Variants in IP6K1 observed in about 807,000 individuals in gnomAD.
IP6K1 encodes inositol hexakisphosphate kinase 1.
IP6K1 carries 13 observed loss-of-function variants against 38.3 expected under a neutral mutation model. The ratio of observed to expected loss-of-function variants is 0.34; its 90% CI spans 0.22 to 0.54. IP6K1 has a LOEUF of 0.54. Ranked by LOEUF, IP6K1 falls within the 20% of genes least tolerant of loss-of-function variation. IP6K1 has a pLI of 0.92. For synonymous variants in IP6K1, 212 were observed against 229.9 expected (o/e 0.92, Z 0.70); for missense variants, 397 against 599.8 (o/e 0.66, Z 3.53).
chr3:49,732,995 T>C, intron 3 of IP6K1, 23 bp from the exon 4 acceptor site: 2 of 1,591,786 alleles, frequency 1.3e-6, no homozygotes, highest in Non-Finnish European at 1.7e-6. Context: ...AACATACACA[T>C]CACTAAGAAA....
chr3:49,776,466 G>A (rs904757587), intron 1 of IP6K1, among the ~76,000 whole-genome samples: 20 of 151,512 alleles, frequency 1.3e-4, no homozygotes, highest in South Asian at 4.2e-4. Context: ...GCAGTGAGCC[G>A]AGATAGCACC....
intron 1 of IP6K1, among the ~76,000 whole-genome samples, chr3:49,782,584 T>C (rs972086934): frequency 2.0e-5 from 3 of 151,862 alleles, no homozygotes; most frequent in Non-Finnish European, 1.5e-5. Context: ...GGAGGATCAT[T>C]TGCACCCACG....
intron 1 of IP6K1, among the ~76,000 whole-genome samples, chr3:49,782,468 C>A (rs1575332515): frequency 6.6e-6 from 1 of 152,032 alleles, no homozygotes; most frequent in East Asian, 1.9e-4. Flanking sequence ...CGCGCCCGGC[C>A]TGGAGGGTCT....
At chr3:49,737,466 G>A (rs1010563141) in intron 3 of IP6K1, among the ~76,000 whole-genome samples, 14 of 152,236 alleles carry the variant, frequency 9.2e-5, no homozygotes, top group Non-Finnish European at 1.3e-4. Context: ...CAGGCGAATC[G>A]CCTGAGGTCA....
In IP6K1 at chr3:49,726,364, C is replaced by T. The variant is rs2080501727; in HGVS notation, c.*758G>A. On this transcript the variant is annotated 3_prime_UTR_variant, in exon 6 of 6. Coordinates refer to ENST00000321599, the MANE Select transcript of IP6K1 (RefSeq NM_153273.4). ...CCAGAGCCACCAGAGGCCCTGAGGC[C>T]TGCTAGGACACCGACTATCCCCCAC... 6.5e-6 allele frequency: 1 copy of T among 152,744 alleles called. No homozygotes were observed. Among genetic ancestry groups the T allele is most frequent in the African/African-American group, 2.4e-5 (1 of 41,470 alleles). The allele number at this position is 152,744 out of a possible 1,614,324, so 9.5% of individuals were successfully genotyped here. A position where few individuals can be genotyped will look rare whatever the true frequency, so the allele number is the denominator to read the frequency against.
At position 49,758,946 on chromosome 3, in the gene IP6K1, C is replaced by CAAA. The variant is rs879734288; in HGVS notation, c.-128-10781_-128-10779dup. 5.4e-5 allele frequency among the ~76,000 whole-genome samples: 5 copies of CAAA among 93,336 alleles called. No individual in the cohort carries two copies. The East Asian group carries it at 2.8e-3, about 52-fold the overall frequency. 61.2% of individuals were successfully genotyped at this position (93,336 alleles called of 152,430 possible). Reference sequence around the variant, plus strand: ...TGGATGACAGAGCGAGACTCTGTCTCAAAAAAAAAAAATACCCAACAGTTT... The same window carrying CAAA: ...TGGATGACAGAGCGAGACTCTGTCTCAAAAAAAAAAAAAAATACCCAACAGTTT... On this transcript the variant is annotated intron_variant, in intron 1 of 5. Transcript: ENST00000321599.
chr3:49,773,704 T>C (rs550959695), intron 1 of IP6K1, among the ~76,000 whole-genome samples: 1 of 152,332 alleles, frequency 6.6e-6, no homozygotes, highest in East Asian at 1.9e-4. Context: ...TTCATTATAT[T>C]TTCTATGCTA....
intron 1 of IP6K1, among the ~76,000 whole-genome samples, chr3:49,751,156 T>TTTGTTG (rs58963057): frequency 3.9e-4 from 58 of 149,074 alleles, no homozygotes; most frequent in Middle Eastern, 3.4e-3. Flanking sequence ...TCCTTTTTTT[T>TTTGTTG]TTGTTGTTGT....
At chr3:49,744,216 C>T (rs999748744) in intron 2 of IP6K1, among the ~76,000 whole-genome samples, 3 of 151,490 alleles carry the variant, frequency 2.0e-5, no homozygotes, top group Non-Finnish European at 4.4e-5. Flanking sequence ...TCCTGGCTAA[C>T]ATGGTGAAAC....
intron 1 of IP6K1, 74 bp from the exon 2 acceptor site, chr3:49,748,242 A>G: frequency 1.7e-6 from 1 of 604,558 alleles, no homozygotes; most frequent in Non-Finnish European, 2.9e-6. Flanking sequence ...TCCATGAGTG[A>G]GAGCAGGGAC....
intron 1 of IP6K1, among the ~76,000 whole-genome samples, chr3:49,766,218 C>A (rs892497287): frequency 6.6e-6 from 1 of 151,628 alleles, no homozygotes; most frequent in African/African-American, 2.4e-5. Context: ...CACAAAAATT[C>A]GCTGGGTGTG....
rs933239982 is a variant in IP6K1 at position 49,726,722 on chromosome 3, G to C, written c.*400C>G. 1 of 262,266 alleles carries C rather than the reference G, an allele frequency of 3.8e-6. No individual in the cohort carries two copies. The highest frequency in any genetic ancestry group is 2.2e-5 in the African/African-American group (1 of 45,414). The allele number at this position is 262,266 out of a possible 1,614,324, so 16.2% of individuals were successfully genotyped here. ...TCTACTTCTGGGGAACAAGGGAAGAGTGGGCGTGGAGGGGCCCTGCACCAG... is the reference window on the plus strand; with the variant it reads ...TCTACTTCTGGGGAACAAGGGAAGACTGGGCGTGGAGGGGCCCTGCACCAG... On this transcript the variant is annotated 3_prime_UTR_variant, in exon 6 of 6. Coordinates refer to ENST00000321599, the MANE Select transcript of IP6K1 (RefSeq NM_153273.4).
chr3:49,754,596 GTTTTT>G (rs71278637), intron 1 of IP6K1, among the ~76,000 whole-genome samples: 1 of 151,578 alleles, frequency 6.6e-6, no homozygotes, highest in African/African-American at 2.4e-5. Context: ...AATCATATGA[GTTTTT>G]TTTTGTGTGT....
intron 1 of IP6K1, among the ~76,000 whole-genome samples, chr3:49,761,372 A>G (rs1300795143): frequency 6.6e-6 from 1 of 151,462 alleles, no homozygotes; most frequent in Non-Finnish European, 1.5e-5. Flanking sequence ...CACTCCTGTA[A>G]TCCCAGCACT....
intron 1 of IP6K1, among the ~76,000 whole-genome samples, chr3:49,755,714 G>C (rs1280309886): frequency 6.6e-6 from 1 of 152,144 alleles, no homozygotes; most frequent in East Asian, 1.9e-4. Flanking sequence ...AAATAAAAAA[G>C]CATTGACATG....
intron 1 of IP6K1, among the ~76,000 whole-genome samples, chr3:49,780,306 T>TCACACACACA (rs1405695613): frequency 2.9e-3 from 32 of 10,866 alleles, no homozygotes; most frequent in African/African-American, 7.3e-3. Flanking sequence ...TTATCATCTT[T>TCACACACACA]CATACACACA....
chr3:49,742,264 C>T (rs2080674664), intron 2 of IP6K1, among the ~76,000 whole-genome samples: 1 of 152,180 alleles, frequency 6.6e-6, no homozygotes, highest in South Asian at 2.1e-4. Context: ...AAAATAGAAG[C>T]ATAGGCTGGG....
At chr3:49,772,410 T>G (rs2080968816) in intron 1 of IP6K1, among the ~76,000 whole-genome samples, 2 of 151,188 alleles carry the variant, frequency 1.3e-5, no homozygotes, top group African/African-American at 2.4e-5. Context: ...TTCTAGAGCG[T>G]TCTCTTTTTT....
intron 1 of IP6K1, among the ~76,000 whole-genome samples, chr3:49,760,792 G>A (rs2080861663): frequency 6.6e-6 from 1 of 152,056 alleles, no homozygotes; most frequent in South Asian, 2.1e-4. Flanking sequence ...AACATGCAGA[G>A]CTCTCAGGAT....
Sources: allele counts gnomAD v4.1 joint callset (sites outside exome capture counted in the v4.1 genomes callset), GRCh38; gene constraint gnomAD v4.1.1; transcripts MANE v1.5; gene names NCBI Gene and HGNC (gene_info 2026-07-23, HGNC 2026-07-21).